CHCHD7: variants seen among roughly 807,000 people sequenced by gnomAD.
The protein encoded by CHCHD7 is coiled-coil-helix-coiled-coil-helix domain-containing protein 7.
A neutral mutation model predicts 10.5 loss-of-function variants in CHCHD7; 7 were observed. The observed-to-expected ratio is 0.67, with a 90% confidence interval of 0.38 to 1.25. The LOEUF is 1.25. Ranked by LOEUF, CHCHD7 falls within the 50% of genes most tolerant of loss-of-function variation. CHCHD7 has a pLI of 0.02. For missense variants in CHCHD7, 100 were observed against 104.5 expected, an observed-to-expected ratio of 0.96 and a Z score of 0.19; for synonymous variants, 40 against 36.0, an observed-to-expected ratio of 1.11 and a Z score of -0.40.
In CHCHD7 at chr8:56,211,815, T is replaced by A. The variant is rs1306300274; in HGVS notation, c.-39T>A. On this transcript the variant is annotated 5_prime_UTR_variant, in exon 1 of 4. Transcript: ENST00000355315. Reference sequence around the variant, plus strand: ...TGTTTGGAGCTGGAGACGGCCTGGGTGCTGGCGAAGCGGAGGCCGGAGGTG... The same window carrying A: ...TGTTTGGAGCTGGAGACGGCCTGGGAGCTGGCGAAGCGGAGGCCGGAGGTG... The A allele has an allele frequency of 6.5e-6, 1 of 152,928 alleles. No homozygotes were observed. The highest frequency in any genetic ancestry group is 1.5e-5 in the Non-Finnish European group (1 of 68,684). 9.5% of individuals were successfully genotyped at this position (152,928 alleles called of 1,614,324 possible).
intron 1 of CHCHD7, chr8:56,212,907 T>A: frequency 6.3e-7 from 1 of 1,583,740 alleles, no homozygotes; most frequent in South Asian, 1.1e-5. Flanking sequence ...TGATGTTACC[T>A]AGGTATTATT....
chr8:56,211,947 TC>T (rs1351845910), intron 1 of CHCHD7, 110 bp downstream of exon 1: 2 of 152,496 alleles, frequency 1.3e-5, no homozygotes. Context: ...GCGGAGGCGC[TC>T]CCGCCAGGCT....
chr8:56,218,524 CTGT>C lies in CHCHD7; in HGVS notation c.*1090_*1092del, dbSNP rs1813491505. 4.7e-6 allele frequency: 1 copy of C among 212,528 alleles called. No homozygotes were observed. Among genetic ancestry groups the C allele is most frequent in the African/African-American group, 2.3e-5 (1 of 43,660 alleles). 13.2% of individuals were successfully genotyped at this position (212,528 alleles called of 1,614,324 possible). On this transcript the variant is annotated 3_prime_UTR_variant, in exon 4 of 4. Transcript: ENST00000355315. ...TTAATGGCTGCCGACAATGAACTGT[CTGT>C]CTGAGTCTAAAACCAAGCTCAGGTT...
Position 56,212,588 on chromosome 8 carries a change from C to A in CHCHD7, c.-17+751C>A, listed in dbSNP as rs1813068733. ...ATGTGCTATGGTTTTGTGGCCCCTC[C>A]TTCATATCTTTGCTTGGTTTTTCTT... On this transcript the variant is annotated intron_variant, in intron 1 of 3. Coordinates refer to ENST00000355315, the MANE Select transcript of CHCHD7 (RefSeq NM_001011671.3). 9 of 385,848 alleles carry A rather than the reference C, an allele frequency of 2.3e-5. No homozygotes were observed. In the East Asian group the frequency reaches 3.6e-4, roughly 16 times the overall value. The allele number at this position is 385,848 out of a possible 1,614,324, so 23.9% of individuals were successfully genotyped here.
chr8:56,213,174 A>G (rs1813124072), intron 1 of CHCHD7: 1 of 298,222 alleles, frequency 3.4e-6, no homozygotes, highest in Non-Finnish European at 6.1e-6. Flanking sequence ...GCTTGTAGAT[A>G]TAATTGAACA....
intron 1 of CHCHD7, chr8:56,212,217 G>A (rs1813026071): frequency 6.5e-6 from 1 of 153,104 alleles, no homozygotes; most frequent in African/African-American, 2.4e-5. Flanking sequence ...GATGCTGACG[G>A]GCTACACCGC....
chr8:56,217,394 A>G lies in CHCHD7; in HGVS notation c.217A>G (p.Arg73Gly), dbSNP rs748898388. ...GCCATTTATGCCTACGGCAGCAGAA[A>G]GAGATGAAATCTTGAGAGCAGTGGG... is the stretch of plus-strand genomic sequence containing the variant. ...VKPFMPTAAE[R>G]DEILRAVGNM... The change falls in exon 4 of 4, where the codon AGA (arginine) becomes GGA (glycine). Residue 73 changes from arginine to glycine, a missense_variant. Physicochemically the swap from Arg to Gly is moderately radical, Grantham distance 125. Coordinates refer to ENST00000355315, the MANE Select transcript of CHCHD7 (RefSeq NM_001011671.3). 6.2e-7 allele frequency: 1 copy of G among 1,612,160 alleles called. No individual in the cohort carries two copies.
Position 56,217,642 on chromosome 8 carries a change from T to A in CHCHD7, c.*207T>A. ...GCTGTTGGCTGTGTTGTGGCATGAG[T>A]TTGCATGACTTTCTGGAGGCATGGA... On this transcript the variant is annotated 3_prime_UTR_variant, in exon 4 of 4. Transcript: ENST00000355315. 1 of 432,372 alleles carries A rather than the reference T, an allele frequency of 2.3e-6. No individual in the cohort carries two copies. The highest frequency in any genetic ancestry group is 4.2e-6 in the Non-Finnish European group (1 of 239,736). 26.8% of individuals were successfully genotyped at this position (432,372 alleles called of 1,614,324 possible). A position where few individuals can be genotyped will look rare whatever the true frequency, so the allele number is the denominator to read the frequency against.
At position 56,212,067 on chromosome 8, in the gene CHCHD7, T is replaced by A. The variant is rs994338366; in HGVS notation, c.-17+230T>A. Reference sequence around the variant, plus strand: ...GCCTAGTCCGGGCAACCCCAGCTCTTCTTCCACTCTCCTGTGTAGCCTCTG... The same window carrying A: ...GCCTAGTCCGGGCAACCCCAGCTCTACTTCCACTCTCCTGTGTAGCCTCTG... On this transcript the variant is annotated intron_variant, in intron 1 of 3. Transcript: ENST00000355315. 2.6e-5 allele frequency: 4 copies of A among 153,096 alleles called. No homozygotes were observed. The East Asian group carries it at 7.7e-4, about 29-fold the overall frequency. The allele number at this position is 153,096 out of a possible 1,614,324, so 9.5% of individuals were successfully genotyped here.
At chr8:56,214,841 A>G in intron 2 of CHCHD7, 174 bp downstream of exon 2, 2 of 497,070 alleles carry the variant, frequency 4.0e-6, no homozygotes, top group South Asian at 6.9e-5. Context: ...TAATTTCTCT[A>G]ACAAACATTC....
In CHCHD7 at chr8:56,217,337, A is replaced by G. The variant is rs201950894; in HGVS notation, c.160A>G (p.Ile54Val). Residue 54 changes from isoleucine (I) to valine (V), a missense_variant, in exon 4 of 4, where the codon ATC (isoleucine) becomes GTC (valine). Coordinates refer to ENST00000355315, the MANE Select transcript of CHCHD7 (RefSeq NM_001011671.3). The stretch of plus-strand genomic sequence containing the variant: ...TTTTAATGCCTGTACACAGAATTCT[A>G]TCGTGATGCAGAGAAGAAAGAACGG... ...YKNCRRFWNS[I>V]VMQRRKNGVK... 7.8e-5 allele frequency: 125 copies of G among 1,601,610 alleles called. No homozygotes were observed. Among genetic ancestry groups the G allele is most frequent in the Middle Eastern group, 3.3e-4 (2 of 6,040 alleles).
At position 56,216,503 on chromosome 8, in the gene CHCHD7, T is replaced by A; in HGVS notation, c.125T>A (p.Leu42Ter). 1.2e-6 allele frequency: 2 copies of A among 1,614,134 alleles called. No homozygotes were observed. Among genetic ancestry groups the A allele is most frequent in the Non-Finnish European group, 1.7e-6 (2 of 1,180,002 alleles). The change falls in exon 3 of 4, where the codon TTG becomes TAG. Residue 42 changes from leucine to a stop codon, truncating the protein, a stop_gained. Coordinates refer to ENST00000355315, the MANE Select transcript of CHCHD7 (RefSeq NM_001011671.3). LOFTEE classifies it high-confidence loss of function. Reference sequence around the variant, plus strand: ...AGGGAAAGGTGTTCCACTTACTTCTTGAGGTACAAAAACTGCCGGAGATTC... The same window carrying A: ...AGGGAAAGGTGTTCCACTTACTTCTAGAGGTACAAAAACTGCCGGAGATTC... ...YDRERCSTYF[L>*]RYKNCRRFWN...
At chr8:56,212,605 G>T (rs1813070402) in intron 1 of CHCHD7, 5 of 409,484 alleles carry the variant, frequency 1.2e-5, no homozygotes, top group African/African-American at 2.0e-5. Context: ...TCTTTGCTTG[G>T]TTTTTCTTTC....
chr8:56,217,483 TCTAATAA>T lies in CHCHD7; in HGVS notation c.*49_*55del. The stretch of plus-strand genomic sequence containing the variant: ...TATAACTTAGAAGCAGATGAATATT[TCTAATAA>T]ATGATTGCTGTAATATTTAAGACTG... On this transcript the variant is annotated 3_prime_UTR_variant, in exon 4 of 4. Transcript: ENST00000355315. 1 of 1,112,862 alleles carries T rather than the reference TCTAATAA, an allele frequency of 9.0e-7. No individual in the cohort carries two copies. The highest frequency in any genetic ancestry group is 1.4e-6 in the Non-Finnish European group (1 of 730,340). The allele number at this position is 1,112,862 out of a possible 1,614,324, so 68.9% of individuals were successfully genotyped here.
At chr8:56,217,188 G>GT in intron 3 of CHCHD7, 143 bp from the exon 4 acceptor site, 1 of 558,888 alleles carries the variant, frequency 1.8e-6, no homozygotes, top group Non-Finnish European at 3.2e-6. Context: ...CTATAATTAG[G>GT]TTTTGGGATT....
chr8:56,216,419 C>G lies in CHCHD7; in HGVS notation c.55-14C>G, dbSNP rs1159880134. ...GTTCTACCTTTTAAATGATGCCTCT[C>G]TTATATCTGTAAGGAATCTGATGCT... On this transcript the variant is annotated splice_polypyrimidine_tract_variant and intron_variant, in intron 2 of 3. Coordinates refer to ENST00000355315, the MANE Select transcript of CHCHD7 (RefSeq NM_001011671.3). The G allele has an allele frequency of 6.2e-7, 1 of 1,614,114 alleles. No homozygotes were observed. Among genetic ancestry groups the G allele is most frequent in the African/African-American group, 1.3e-5 (1 of 75,050 alleles).
At chr8:56,216,288 A>G (rs1314188311) in intron 2 of CHCHD7, 145 bp from the exon 3 acceptor site, 12 of 1,275,404 alleles carry the variant, frequency 9.4e-6, no homozygotes, top group Non-Finnish European at 1.3e-5. Context: ...GAGATTGTCC[A>G]GTTTTTATTA....
At position 56,216,520 on chromosome 8, in the gene CHCHD7, C is replaced by T. The variant is rs142643904; in HGVS notation, c.142C>T (p.Arg48Trp). 1.2e-5 allele frequency: 20 copies of T among 1,614,018 alleles called. No homozygotes were observed. Among genetic ancestry groups the T allele is most frequent in the Admixed American group, 3.3e-5 (2 of 60,008 alleles). The part of the protein sequence containing the change: ...STYFLRYKNC[R>W]RFWNSIVMQR... ...TTACTTCTTGAGGTACAAAAACTGCCGGAGATTCTGGGTAAGCCTAGATTG... is the reference window on the plus strand; with the variant it reads ...TTACTTCTTGAGGTACAAAAACTGCTGGAGATTCTGGGTAAGCCTAGATTG... Residue 48 changes from arginine to tryptophan, a missense_variant, in exon 3 of 4, where the codon CGG (arginine) becomes TGG (tryptophan). By Grantham distance (101) the Arg-to-Trp change is moderately radical (BLOSUM62 -3). Transcript: ENST00000355315.
intron 2 of CHCHD7, among the ~76,000 whole-genome samples, chr8:56,216,161 G>A: frequency 6.6e-6 from 1 of 152,186 alleles, no homozygotes; most frequent in East Asian, 1.9e-4. Flanking sequence ...ATGGTTACTG[G>A]ATTAATTGAT....
Sources: allele counts gnomAD v4.1 joint callset (sites outside exome capture counted in the v4.1 genomes callset), GRCh38; gene constraint gnomAD v4.1.1; transcripts MANE v1.5; gene names NCBI Gene and HGNC (gene_info 2026-07-23, HGNC 2026-07-21).